Variants in HYDIN observed in about 807,000 individuals in gnomAD.
HYDIN encodes the protein axonemal central pair apparatus protein HYDIN.
A neutral mutation model predicts 403.9 loss-of-function variants in HYDIN; 132 were observed. That is an observed-to-expected ratio of 0.33 (90% CI 0.28 to 0.38). HYDIN has a LOEUF of 0.38. Among genes scored for constraint, HYDIN ranks in the 10% least tolerant of loss-of-function variants. The pLI, the probability that HYDIN is intolerant of heterozygous loss-of-function variation, is 1.00. For missense variants in HYDIN, 2,827 were observed against 5,009.5 expected (o/e 0.56, Z 13.15); for synonymous variants, 1,202 against 1,891.7 (o/e 0.64, Z 9.46).
rs566042246 is a variant in HYDIN, at chr16:71,089,345, T to C, written c.1447-821A>G. ...TCACTACAGCCATGTTGTTCTATCC[T>C]GGCTTCCAAAGACACCACCTCTGAT... is the stretch of plus-strand genomic sequence containing the variant. On this transcript the variant is annotated intron_variant, in intron 11 of 85. Transcript: ENST00000393567. Among the ~76,000 whole-genome samples, 31 of 152,228 alleles carry C rather than the reference T, an allele frequency of 2.0e-4. No individual in the cohort carries two copies. The East Asian group carries it at 4.8e-3, about 24-fold the overall frequency.
chr16:71,224,988 A>G (rs2040970064), intron 1 of HYDIN, among the ~76,000 whole-genome samples: 1 of 152,212 alleles, frequency 6.6e-6, no homozygotes, highest in Non-Finnish European at 1.5e-5. Flanking sequence ...AGGCACAGGG[A>G]GACAATCCAG....
chr16:70,851,729 A>G (rs1025634744), intron 73 of HYDIN, among the ~76,000 whole-genome samples: 4 of 144,438 alleles, frequency 2.8e-5, no homozygotes, highest in African/African-American at 1.1e-4. Flanking sequence ...TACAAAAAAC[A>G]AAGCAATCTC....
At chr16:71,129,551 T>G in intron 9 of HYDIN, 89 bp downstream of exon 9, 1 of 1,317,096 alleles carries the variant, frequency 7.6e-7, no homozygotes, top group Non-Finnish European at 1.0e-6. Flanking sequence ...CAACTCACCG[T>G]CTCAATCCCC....
In HYDIN at chr16:70,920,758, G is replaced by T. The variant is rs1166348628; in HGVS notation, c.7618C>A (p.Arg2540=). ...KAERERLEKL[R]ALEERSDWEG... ...CAGTCGCTCCGCTCCTCCAGGGCTC[G>T]CAGCTTCTCCAGGCGCTCCCGCTCC... The change falls in exon 46 of 86, where the codon CGA becomes AGA. Residue 2540 remains arginine (R), a synonymous_variant. Transcript: ENST00000393567. 3 of 1,566,022 alleles carry T rather than the reference G, an allele frequency of 1.9e-6. No homozygotes were observed. The highest frequency in any genetic ancestry group is 4.7e-5 in the East Asian group (2 of 42,218).
Position 70,819,218 on chromosome 16 carries a change from G to A in HYDIN, c.14428-646C>T, listed in dbSNP as rs1770404. On this transcript the variant is annotated intron_variant, in intron 83 of 85. Transcript: ENST00000393567. ...GTGTGAGCCACAGTGCCTGGCCACA[G>A]TGGGCTTTCTTCCTATTCCTGTTGC... is the stretch of plus-strand genomic sequence containing the variant. Among the ~76,000 whole-genome samples the A allele has an allele frequency of 2.3e-3, 351 of 151,560 alleles. 3 individuals are homozygous for A. The highest frequency in any genetic ancestry group is 8.0e-3 in the African/African-American group (328 of 41,046).
chr16:70,851,420 T>C (rs1035302950), intron 73 of HYDIN, among the ~76,000 whole-genome samples: 2 of 150,990 alleles, frequency 1.3e-5, no homozygotes, highest in African/African-American at 4.9e-5. Flanking sequence ...GCAAAAGACA[T>C]GAATAGACAC....
chr16:71,038,606 GACCGGC>G (rs1181028232), intron 18 of HYDIN, among the ~76,000 whole-genome samples: 1 of 152,012 alleles, frequency 6.6e-6, no homozygotes, highest in Non-Finnish European at 1.5e-5. Flanking sequence ...CTCAGCAGAT[GACCGGC>G]ACTATGTGGA....
intron 2 of HYDIN, among the ~76,000 whole-genome samples, chr16:71,185,656 T>C (rs2087112549): frequency 1.3e-5 from 2 of 151,856 alleles, no homozygotes; most frequent in Admixed American, 6.6e-5. Context: ...TTTCCAATGT[T>C]ATGAGAAAAA....
intron 28 of HYDIN, among the ~76,000 whole-genome samples, chr16:70,982,019 T>C (rs1037845621): frequency 1.7e-4 from 26 of 150,458 alleles, no homozygotes; most frequent in Admixed American, 1.6e-3. Flanking sequence ...TCCCAGCTAC[T>C]CGGGAGGCTG....
At chr16:71,211,204 T>C (rs1469019606) in intron 1 of HYDIN, among the ~76,000 whole-genome samples, 1 of 152,024 alleles carries the variant, frequency 6.6e-6, no homozygotes, top group Admixed American at 6.6e-5. Flanking sequence ...AGAGGAAAAA[T>C]ACCCAAAAAG....
chr16:71,074,676 TCAAAACAAAA>T (rs948355879), intron 13 of HYDIN, among the ~76,000 whole-genome samples: 60 of 70,904 alleles, frequency 8.5e-4, no homozygotes, highest in South Asian at 2.9e-3. Flanking sequence ...AGACTCTGTC[TCAAAACAAAA>T]CAAAACAAAA....
At chr16:70,934,313 C>T (rs959682573) in intron 45 of HYDIN, among the ~76,000 whole-genome samples, 2 of 150,872 alleles carry the variant, frequency 1.3e-5, no homozygotes, top group Non-Finnish European at 2.9e-5. Flanking sequence ...TTGTCGGGGG[C>T]ACCAGGGTTG....
chr16:71,151,342 A>G (rs3094863), intron 7 of HYDIN, among the ~76,000 whole-genome samples: 12,390 of 150,716 alleles, frequency 0.082, 1,753 homozygotes, highest in African/African-American at 0.29. Context: ...GGGACCTAAG[A>G]CAAGGGCTTG....
intron 1 of HYDIN, among the ~76,000 whole-genome samples, chr16:71,187,294 A>C (rs997397965): frequency 6.6e-6 from 1 of 152,184 alleles, no homozygotes; most frequent in South Asian, 2.1e-4. Flanking sequence ...AGGAGAATCG[A>C]CCCTTCAAAC....
At chr16:71,077,547 T>C (rs2082655715) in intron 13 of HYDIN, among the ~76,000 whole-genome samples, 2 of 152,252 alleles carry the variant, frequency 1.3e-5, no homozygotes, top group Admixed American at 6.5e-5. Context: ...CTATAAACCA[T>C]GATAGTTTTG....
chr16:71,089,452 T>C (rs2083040295), intron 11 of HYDIN, among the ~76,000 whole-genome samples: 1 of 151,762 alleles, frequency 6.6e-6, no homozygotes, highest in East Asian at 1.9e-4. Context: ...AACCTACACA[T>C]AAGGCTTTGG....
At chr16:70,938,137 C>G (rs765130470) in intron 44 of HYDIN, among the ~76,000 whole-genome samples, 155 of 152,374 alleles carry the variant, frequency 1.0e-3, no homozygotes, top group South Asian at 3.5e-3. Flanking sequence ...CGCCCAAGGC[C>G]AAGAAGGGGA....
At chr16:70,825,296 T>C (rs1367723995) in intron 83 of HYDIN, among the ~76,000 whole-genome samples, 1 of 151,832 alleles carries the variant, frequency 6.6e-6, no homozygotes, top group African/African-American at 2.4e-5. Context: ...TTCTGAAACG[T>C]TGCTCTAATG....
rs1372460347 is a variant in HYDIN, at chr16:70,807,064, G to A, written c.*516C>T. ...AAAGCCAAGAGAAAAAGTGATGGGA[G>A]TGTCCCTGGATTGCCCTAATGTTAT... is the stretch of plus-strand genomic sequence containing the variant. On this transcript the variant is annotated 3_prime_UTR_variant, in exon 86 of 86. Transcript: ENST00000393567. Among the ~76,000 whole-genome samples, 1 of 152,174 alleles carries A rather than the reference G, an allele frequency of 6.6e-6. No homozygotes were observed. The highest frequency in any genetic ancestry group is 1.5e-5 in the Non-Finnish European group (1 of 68,038).
Sources: gnomAD v4.1 joint callset for allele counts (sites outside exome capture counted in the v4.1 genomes callset) on GRCh38, gnomAD v4.1.1 for gene constraint, MANE v1.5 for transcripts, NCBI Gene and HGNC (gene_info 2026-07-23, HGNC 2026-07-21) for gene names.